The following HYDIN variants were observed in gnomAD, a reference collection of about 807,000 sequenced individuals.
The protein encoded by HYDIN is axonemal central pair apparatus protein HYDIN.
HYDIN carries 132 observed loss-of-function variants against 403.9 expected under a neutral mutation model. That is an observed-to-expected ratio of 0.33 (90% CI 0.28 to 0.38). HYDIN has a LOEUF of 0.38. HYDIN is among the 10% of genes least tolerant of loss of function. The probability of loss-of-function intolerance (pLI) is 1.00; values close to 1 mark genes in which losing one functional copy is unlikely to be tolerated. For synonymous variants in HYDIN, 1,202 were observed against 1,891.7 expected (o/e 0.64, Z 9.46); for missense variants, 2,827 against 5,009.5 (o/e 0.56, Z 13.15).
chr16:70,834,677 G>A (rs1441639147), intron 78 of HYDIN, among the ~76,000 whole-genome samples: 2 of 151,930 alleles, frequency 1.3e-5, no homozygotes, highest in Admixed American at 6.6e-5. Context: ...GCGAAACCCC[G>A]TCTCTACTAA....
intron 3 of HYDIN, among the ~76,000 whole-genome samples, chr16:71,183,277 T>C (rs1003145951): frequency 1.3e-5 from 2 of 151,938 alleles, no homozygotes; most frequent in Non-Finnish European, 2.9e-5. Flanking sequence ...CTAATGAATG[T>C]AATGACAATG....
intron 40 of HYDIN, among the ~76,000 whole-genome samples, chr16:70,953,387 T>C (rs1192083188): frequency 1.3e-5 from 2 of 152,104 alleles, no homozygotes; most frequent in East Asian, 3.9e-4. Context: ...TTAGGTTAGC[T>C]AGACAAGTGG....
chr16:70,859,312 CAAAAAA>C (rs914958073), intron 71 of HYDIN, among the ~76,000 whole-genome samples: 4 of 151,282 alleles, frequency 2.6e-5, no homozygotes, highest in Admixed American at 6.6e-5. Flanking sequence ...AAAACAAAAA[CAAAAAA>C]AAGAAATTTG....
At chr16:70,810,080 A>G in intron 84 of HYDIN, 73 bp from the exon 85 acceptor site, 4 of 1,382,756 alleles carry the variant, frequency 2.9e-6, no homozygotes, top group East Asian at 2.3e-5. Context: ...GACCTGCCCA[A>G]GGCTCCATAG....
chr16:70,948,349 C>A (rs1335202368), intron 41 of HYDIN, among the ~76,000 whole-genome samples: 7 of 152,210 alleles, frequency 4.6e-5, no homozygotes, highest in Admixed American at 2.6e-4. Context: ...AAAACCATAA[C>A]AACCCTAGAA....
At chr16:71,002,262 G>C (rs537233012) in intron 23 of HYDIN, among the ~76,000 whole-genome samples, 3 of 152,200 alleles carry the variant, frequency 2.0e-5, no homozygotes, top group Non-Finnish European at 4.4e-5. Context: ...AAGAAATTCT[G>C]AGGCTAGGCA....
At chr16:71,228,610 A>G (rs1328912268) in intron 1 of HYDIN, among the ~76,000 whole-genome samples, 1 of 152,224 alleles carries the variant, frequency 6.6e-6, no homozygotes, top group Non-Finnish European at 1.5e-5. Context: ...ACAATAAGAT[A>G]CCATCTCACA....
chr16:71,022,147 T>TG (rs1281633626), intron 21 of HYDIN, among the ~76,000 whole-genome samples: 12 of 151,908 alleles, frequency 7.9e-5, no homozygotes, highest in African/African-American at 2.9e-4. Flanking sequence ...GTCCACCCAG[T>TG]GACCTTCCCT....
At chr16:71,014,322 A>G (rs1269126082) in intron 23 of HYDIN, among the ~76,000 whole-genome samples, 1 of 98,696 alleles carries the variant, frequency 1.0e-5, no homozygotes, top group Non-Finnish European at 1.8e-5. Context: ...TCTCCCACCC[A>G]GTGAGGTCTG....
chr16:70,893,116 T>C (rs1181883000), intron 55 of HYDIN, among the ~76,000 whole-genome samples: 1 of 152,336 alleles, frequency 6.6e-6, no homozygotes, highest in Non-Finnish European at 1.5e-5. Flanking sequence ...GTCACCGCCA[T>C]GCTCCAGGAG....
At chr16:71,110,781 G>T (rs2083800868) in intron 10 of HYDIN, among the ~76,000 whole-genome samples, 1 of 138,264 alleles carries the variant, frequency 7.2e-6, no homozygotes, top group African/African-American at 2.7e-5. Context: ...TGACTGCATA[G>T]ATATGGACCG....
At chr16:71,117,607 C>CA (rs1234785119) in intron 9 of HYDIN, among the ~76,000 whole-genome samples, 1 of 151,952 alleles carries the variant, frequency 6.6e-6, no homozygotes, top group Non-Finnish European at 1.5e-5. Context: ...AAACGATCAA[C>CA]ACATCCAGAA....
intron 12 of HYDIN, among the ~76,000 whole-genome samples, chr16:71,087,192 C>G (rs1205175019): frequency 1.3e-5 from 2 of 152,162 alleles, no homozygotes; most frequent in Non-Finnish European, 2.9e-5. Context: ...CACACGTTCA[C>G]TCTCCTTAGT....
In HYDIN at chr16:71,045,053, A is replaced by AT. The variant is rs1340729255; in HGVS notation, c.2530-13137dup. ...CAGAGTCCCAACCAAAAGTCCAGAC[A>AT]TTTTACCAGAGCCCATCCTCTTCTA... On this transcript the variant is annotated intron_variant, in intron 18 of 85. Transcript: ENST00000393567. 2.0e-5 allele frequency among the ~76,000 whole-genome samples: 3 copies of AT among 152,024 alleles called. No homozygotes were observed. The East Asian group carries it at 5.8e-4, about 29-fold the overall frequency.
chr16:71,189,690 C>A (rs1597987505), intron 1 of HYDIN, among the ~76,000 whole-genome samples: 1 of 150,300 alleles, frequency 6.7e-6, no homozygotes, highest in East Asian at 2.0e-4. Context: ...TCACTTGAAC[C>A]TGAGGAGTGG....
intron 1 of HYDIN, among the ~76,000 whole-genome samples, chr16:71,218,281 G>A (rs1391482179): frequency 6.6e-6 from 1 of 152,132 alleles, no homozygotes; most frequent in Non-Finnish European, 1.5e-5. Context: ...AAACAGAGAA[G>A]GGATAACTAC....
chr16:71,075,867 C>T (rs1330425529), intron 13 of HYDIN: 2 of 251,346 alleles, frequency 8.0e-6, no homozygotes, highest in East Asian at 2.1e-4. Context: ...TGTTGGGAGT[C>T]TCAGAGCAGA....
chr16:70,870,770 C>T (rs1426982530), intron 65 of HYDIN, among the ~76,000 whole-genome samples: 1 of 150,872 alleles, frequency 6.6e-6, no homozygotes, highest in Non-Finnish European at 1.5e-5. Flanking sequence ...TGGCTCATGC[C>T]TATAATCCCA....
chr16:71,078,425 C>T lies in HYDIN; in HGVS notation c.1738+1460G>A, dbSNP rs548882164. 5.3e-5 allele frequency among the ~76,000 whole-genome samples: 8 copies of T among 152,180 alleles called. No homozygotes were observed. In the East Asian group the frequency reaches 9.7e-4, roughly 18 times the overall value. On this transcript the variant is annotated intron_variant, in intron 13 of 85. Transcript: ENST00000393567. Reference sequence around the variant, plus strand: ...TTAAAGAAGTTGTATATAGCATTCTCTTATCTGTTTTTACTGCCTTAAATA... The same window carrying T: ...TTAAAGAAGTTGTATATAGCATTCTTTTATCTGTTTTTACTGCCTTAAATA...
Sources: gnomAD v4.1 joint callset for allele counts (sites outside exome capture counted in the v4.1 genomes callset) on GRCh38, gnomAD v4.1.1 for gene constraint, MANE v1.5 for transcripts, NCBI Gene and HGNC (gene_info 2026-07-23, HGNC 2026-07-21) for gene names.